Variants in TLR3 observed in about 807,000 individuals in gnomAD.
TLR3 encodes the protein toll-like receptor 3.
In TLR3, 43 loss-of-function variants were observed where a neutral mutation model predicts 66.4. That is an observed-to-expected ratio of 0.65 (90% CI 0.51 to 0.83). TLR3 has a LOEUF of 0.83. Ranked by LOEUF, TLR3 falls within the 40% of genes least tolerant of loss-of-function variation. The pLI is 0.00. For synonymous variants in TLR3, 397 were observed against 397.2 expected, an observed-to-expected ratio of 1.00 and a Z score of 0.01; for missense variants, 982 against 1,044.6, an observed-to-expected ratio of 0.94 and a Z score of 0.83.
chr4:186,081,184 G>C (rs2099303375), intron 3 of TLR3, among the ~76,000 whole-genome samples: 1 of 151,494 alleles, frequency 6.6e-6, no homozygotes, highest in African/African-American at 2.4e-5. Context: ...CAAGAGAATC[G>C]CTTGAACCCA....
At chr4:186,077,686 G>T (rs1203839666) in intron 2 of TLR3, among the ~76,000 whole-genome samples, 1 of 151,946 alleles carries the variant, frequency 6.6e-6, no homozygotes, top group East Asian at 1.9e-4. Flanking sequence ...AATGTGTAAT[G>T]ATTAAATCAG....
chr4:186,082,224 CAAAAAAAA>C (rs549369747), intron 3 of TLR3, 88 bp from the exon 4 acceptor site: 5,956 of 375,926 alleles, frequency 0.016, 1 homozygote, highest in East Asian at 0.039. Context: ...GACTCCGTCT[CAAAAAAAA>C]AAAAAAAAAA....
chr4:186,083,888 G>T lies in TLR3; in HGVS notation c.2202G>T (p.Trp734Cys), dbSNP rs1298232858. The change falls in exon 4 of 5, where the codon TGG becomes TGT. Residue 734 changes from tryptophan (W) to cysteine (C), a missense_variant. By Grantham distance (215) the Trp-to-Cys change is radical (BLOSUM62 -2). Around this residue, in one of 3 missense-constraint regions of TLR3, gnomAD observed 666 missense variants for 709.0 expected, o/e 0.94. Transcript: ENST00000296795. The surrounding 1 kb of genome is among the most constrained non-coding windows in gnomAD (Gnocchi z 4.0). ...HFEGWRISFY[W>C]NVSVHRVLGF... is the part of the protein sequence containing the mutation. ...AGGGCTGGAGGATATCTTTTTATTG[G>T]AATGTTTCAGTACATCGAGTTCTTG... 1.9e-6 allele frequency: 3 copies of T among 1,614,008 alleles called. No homozygotes were observed. The African/African-American group carries it at 4.0e-5, about 22-fold the overall frequency.
At chr4:186,078,787 A>G (rs1238393509) in intron 2 of TLR3, 53 bp from the exon 3 acceptor site, 4 of 1,495,484 alleles carry the variant, frequency 2.7e-6, no homozygotes, top group African/African-American at 1.4e-5. Context: ...CATTTAAAAG[A>G]ACTGTTTTTG....
At position 186,077,716 on chromosome 4, in the gene TLR3, A is replaced by G. The variant is rs543338090; in HGVS notation, c.441+656A>G. On this transcript the variant is annotated intron_variant, in intron 2 of 4. Coordinates refer to ENST00000296795, the MANE Select transcript of TLR3 (RefSeq NM_003265.3). ...AATCAGGGTAATTATCATATCCATC[A>G]TCTCAAATGTTTCTCATTTGTGTTG... Among the ~76,000 whole-genome samples, 4 of 152,260 alleles carry G rather than the reference A, an allele frequency of 2.6e-5. No individual in the cohort carries two copies. The South Asian group carries it at 8.3e-4, about 32-fold the overall frequency.
chr4:186,069,272 G>A (rs1421704816), intron 1 of TLR3, 24 bp downstream of exon 1: 3 of 152,158 alleles, frequency 2.0e-5, no homozygotes, highest in South Asian at 2.1e-4. Flanking sequence ...TTCATTTCAC[G>A]TTCTTACTGG....
Position 186,082,899 on chromosome 4 carries a change from G to A in TLR3, c.1213G>A (p.Ala405Thr). The stretch of plus-strand genomic sequence containing the variant: ...GACAAATGAAACATTTGTATCACTT[G>A]CTCATTCTCCCTTACACATACTCAA... ...TLTNETFVSL[A>T]HSPLHILNLT... is the part of the protein sequence containing the mutation. Residue 405 changes from alanine (A) to threonine (T), a missense_variant, in exon 4 of 5, where the codon GCT (alanine) becomes ACT (threonine). Physicochemically the swap from Ala to Thr is moderately conservative, Grantham distance 58. Around this residue, in one of 3 missense-constraint regions of TLR3, gnomAD observed 666 missense variants for 709.0 expected, o/e 0.94. Transcript: ENST00000296795. 6.2e-7 allele frequency: 1 copy of A among 1,613,962 alleles called. No homozygotes were observed. Among genetic ancestry groups the A allele is most frequent in the African/African-American group, 1.3e-5 (1 of 75,030 alleles).
At chr4:186,070,554 T>TA (rs1174283208) in intron 1 of TLR3, among the ~76,000 whole-genome samples, 2 of 151,382 alleles carry the variant, frequency 1.3e-5, no homozygotes, top group African/African-American at 2.4e-5. Flanking sequence ...CCAGCTAATT[T>TA]AAAAAAAAAT....
rs897422347 is a variant in TLR3, at chr4:186,087,084, G to C, written c.*2211G>C. ...GTGCACCCTACGCAAATGAATAGCT[G>C]TCACAGCTGAGGTAGAGTTACAGTG... On this transcript the variant is annotated 3_prime_UTR_variant, in exon 5 of 5. Transcript: ENST00000296795. 5 of 152,190 alleles carry C rather than the reference G, an allele frequency of 3.3e-5. No homozygotes were observed. Among genetic ancestry groups the C allele is most frequent in the Non-Finnish European group, 7.4e-5 (5 of 68,026 alleles). 9.4% of individuals were successfully genotyped at this position (152,190 alleles called of 1,614,324 possible).
Position 186,076,656 on chromosome 4 carries a change from G to C in TLR3, c.37G>C (p.Gly13Arg). Residue 13 changes from glycine to arginine, a missense_variant, in exon 2 of 5, where the codon GGC (glycine) becomes CGC (arginine). Physicochemically the swap from Gly to Arg is moderately radical, Grantham distance 125. Around this residue, in one of 3 missense-constraint regions of TLR3, gnomAD observed 313 missense variants for 319.0 expected, o/e 0.98. Coordinates refer to ENST00000296795, the MANE Select transcript of TLR3 (RefSeq NM_003265.3). ...TTTGCCTTGTATCTACTTTTGGGGG[G>C]GCCTTTTGCCCTTTGGGATGCTGTG... The part of the protein sequence containing the change: ...QTLPCIYFWG[G>R]LLPFGMLCAS... The C allele has an allele frequency of 6.2e-7, 1 of 1,614,042 alleles. No homozygotes were observed. Among genetic ancestry groups the C allele is most frequent in the Non-Finnish European group, 8.5e-7 (1 of 1,180,006 alleles).
At chr4:186,079,352 A>C (rs905739869) in intron 3 of TLR3, among the ~76,000 whole-genome samples, 1 of 152,186 alleles carries the variant, frequency 6.6e-6, no homozygotes, top group African/African-American at 2.4e-5. Flanking sequence ...TCTCTGACAG[A>C]GTTATTAATT....
At chr4:186,071,766 A>G (rs144821668) in intron 1 of TLR3, among the ~76,000 whole-genome samples, 1 of 152,328 alleles carries the variant, frequency 6.6e-6, no homozygotes, top group African/African-American at 2.4e-5. Context: ...ACAATTCTAT[A>G]TACTCACATT....
chr4:186,069,526 T>G (rs2099301069), intron 1 of TLR3, among the ~76,000 whole-genome samples: 1 of 152,252 alleles, frequency 6.6e-6, no homozygotes, highest in Non-Finnish European at 1.5e-5. Flanking sequence ...TGTAGCATTC[T>G]GTACCTGGAA....
intron 2 of TLR3, among the ~76,000 whole-genome samples, 181 bp downstream of exon 2, chr4:186,077,241 A>C (rs548837053): frequency 6.6e-6 from 1 of 152,348 alleles, no homozygotes; most frequent in East Asian, 1.9e-4. Context: ...AATCAGTTTC[A>C]TCCTTAATTT....
Position 186,076,642 on chromosome 4 carries a change from T to A in TLR3, c.23T>A (p.Ile8Asn). ...ATCATGAGACAGACTTTGCCTTGTA[T>A]CTACTTTTGGGGGGGCCTTTTGCCC... MRQTLPC[I>N]YFWGGLLPFG... The change falls in exon 2 of 5, where the codon ATC (isoleucine) becomes AAC (asparagine). Residue 8 changes from isoleucine (I) to asparagine (N), a missense_variant. By Grantham distance (149) the Ile-to-Asn change is moderately radical. Around this residue, in one of 3 missense-constraint regions of TLR3, gnomAD observed 313 missense variants for 319.0 expected, o/e 0.98. Transcript: ENST00000296795. 6.2e-7 allele frequency: 1 copy of A among 1,614,222 alleles called. No individual in the cohort carries two copies. The highest frequency in any genetic ancestry group is 1.1e-5 in the South Asian group (1 of 91,080).
Position 186,083,123 on chromosome 4 carries a change from C to T in TLR3, c.1437C>T (p.Val479=). Residue 479 remains valine (V), a synonymous_variant, in exon 4 of 5, where the codon GTC becomes GTT. Coordinates refer to ENST00000296795, the MANE Select transcript of TLR3 (RefSeq NM_003265.3). This position sits in a 1 kb window ranked among gnomAD's most constrained non-coding sequence, Gnocchi z 4.0. ...LQLTRNSFAL[V]PSLQRLMLRR... is the part of the protein sequence containing the mutation. Reference sequence around the variant, plus strand: ...TGACTAGGAACTCCTTTGCCTTGGTCCCAAGCCTTCAACGACTGATGCTCC... The same window carrying T: ...TGACTAGGAACTCCTTTGCCTTGGTTCCAAGCCTTCAACGACTGATGCTCC... The T allele has an allele frequency of 6.2e-7, 1 of 1,614,180 alleles. No individual in the cohort carries two copies. Among genetic ancestry groups the T allele is most frequent in the Non-Finnish European group, 8.5e-7 (1 of 1,180,026 alleles).
At chr4:186,071,231 T>G (rs2099301415) in intron 1 of TLR3, among the ~76,000 whole-genome samples, 1 of 152,172 alleles carries the variant, frequency 6.6e-6, no homozygotes, top group Non-Finnish European at 1.5e-5. Flanking sequence ...TTTGGTGAGT[T>G]TTGCCCACTG....
At position 186,083,097 on chromosome 4, in the gene TLR3, C is replaced by G; in HGVS notation, c.1411C>G (p.Leu471Val). 1 of 1,614,222 alleles carries G rather than the reference C, an allele frequency of 6.2e-7. No individual in the cohort carries two copies. Among genetic ancestry groups the G allele is most frequent in the Non-Finnish European group, 8.5e-7 (1 of 1,180,040 alleles). Reference sequence around the variant, plus strand: ...TCTTTCCTACAACAAGTACCTGCAGCTGACTAGGAACTCCTTTGCCTTGGT... The same window carrying G: ...TCTTTCCTACAACAAGTACCTGCAGGTGACTAGGAACTCCTTTGCCTTGGT... The part of the protein sequence containing the change: ...IYLSYNKYLQ[L>V]TRNSFALVPS... Residue 471 changes from leucine to valine, a missense_variant, in exon 4 of 5, where the codon CTG becomes GTG. This residue lies in a region of TLR3 where 666 missense variants were observed against 709.0 expected (regional missense o/e 0.94). Coordinates refer to ENST00000296795, the MANE Select transcript of TLR3 (RefSeq NM_003265.3). This position sits in a 1 kb window ranked among gnomAD's most constrained non-coding sequence, Gnocchi z 4.0.
rs755027510 is a variant in TLR3 at position 186,082,562 on chromosome 4, T to C, written c.876T>C (p.Asp292=). The change falls in exon 4 of 5, where the codon GAT becomes GAC. Residue 292 remains aspartate, a synonymous_variant. Transcript: ENST00000296795. ...SYNNLNVVGN[D]SFAWLPQLEY... is the part of the protein sequence containing the mutation. ...ACAACTTAAATGTGGTTGGTAACGA[T>C]TCCTTTGCTTGGCTTCCACAACTAG... 2 of 1,614,172 alleles carry C rather than the reference T, an allele frequency of 1.2e-6. No individual in the cohort carries two copies. The highest frequency in any genetic ancestry group is 1.1e-5 in the South Asian group (1 of 91,084).
Sources: gnomAD v4.1 joint callset for allele counts (sites outside exome capture counted in the v4.1 genomes callset) on GRCh38, gnomAD v4.1.1 for gene constraint, gnomAD v4.1.1 regional missense constraint, Gnocchi (gnomAD v3.1) non-coding constraint, MANE v1.5 for transcripts, NCBI Gene and HGNC (gene_info 2026-07-23, HGNC 2026-07-21) for gene names.